The following NUFIP1 variants were observed in gnomAD, a reference collection of about 807,000 sequenced individuals.
NUFIP1 encodes the protein nuclear FMR1 interacting protein 1, also known as FMR1-interacting protein NUFIP1.
A neutral mutation model predicts 56.2 loss-of-function variants in NUFIP1; 38 were observed. That is an observed-to-expected ratio of 0.68 (90% CI 0.52 to 0.89). NUFIP1 has a LOEUF of 0.89. Ranked by LOEUF, NUFIP1 falls within the 40% of genes least tolerant of loss-of-function variation. NUFIP1 has a pLI of 0.00. For synonymous variants in NUFIP1, 215 were observed against 212.4 expected (o/e 1.01, Z -0.10); for missense variants, 567 against 605.8 (o/e 0.94, Z 0.67).
chr13:44,947,902 T>C (rs1310411570), intron 8 of NUFIP1, among the ~76,000 whole-genome samples: 6 of 152,360 alleles, frequency 3.9e-5, no homozygotes, highest in Admixed American at 3.3e-4. Context: ...TAAGGAATAC[T>C]GTGATAAAGC....
intron 8 of NUFIP1, among the ~76,000 whole-genome samples, chr13:44,949,458 C>T: frequency 6.6e-6 from 1 of 152,052 alleles, no homozygotes; most frequent in Non-Finnish European, 1.5e-5. Context: ...GCCTCGGCCT[C>T]CCAAAGTGCT....
chr13:44,978,483 G>A (rs1872066092), intron 5 of NUFIP1, among the ~76,000 whole-genome samples: 3 of 152,210 alleles, frequency 2.0e-5, no homozygotes, highest in Admixed American at 6.5e-5. Flanking sequence ...TCAGGATGAA[G>A]TGTTCTAGTA....
intron 5 of NUFIP1, 106 bp from the exon 6 acceptor site, chr13:44,966,042 G>GC: frequency 2.1e-6 from 1 of 487,700 alleles, no homozygotes; most frequent in Non-Finnish European, 3.4e-6. Context: ...ACCTAACACA[G>GC]CAAATTATAA....
chr13:44,943,749 C>T, intron 8 of NUFIP1, 75 bp from the exon 9 acceptor site: 1 of 1,082,300 alleles, frequency 9.2e-7, no homozygotes, highest in African/African-American at 1.6e-5. Context: ...AAGCAACCAA[C>T]AAATCCATAA....
chr13:44,981,902 G>T (rs1361615425), intron 2 of NUFIP1, among the ~76,000 whole-genome samples, 170 bp downstream of exon 2: 1 of 152,144 alleles, frequency 6.6e-6, no homozygotes, highest in Non-Finnish European at 1.5e-5. Context: ...TATTATTTTT[G>T]AATCCCAATT....
intron 6 of NUFIP1, among the ~76,000 whole-genome samples, chr13:44,964,775 A>G (rs1283008901): frequency 6.6e-6 from 1 of 152,170 alleles, no homozygotes; most frequent in Non-Finnish European, 1.5e-5. Context: ...ACTCCGAGTC[A>G]TAACTAGGGC....
chr13:44,941,735 G>C (rs895099760), intron 9 of NUFIP1, among the ~76,000 whole-genome samples: 2 of 151,762 alleles, frequency 1.3e-5, no homozygotes, highest in Non-Finnish European at 2.9e-5. Flanking sequence ...GGATGGTCTC[G>C]ATCTCCTGAC....
intron 6 of NUFIP1, among the ~76,000 whole-genome samples, chr13:44,963,711 T>C: frequency 6.6e-6 from 1 of 152,216 alleles, no homozygotes; most frequent in East Asian, 1.9e-4. Context: ...AGTCATGATG[T>C]TATATCATAT....
At chr13:44,969,621 A>G (rs1415773539) in intron 5 of NUFIP1, among the ~76,000 whole-genome samples, 1 of 152,100 alleles carries the variant, frequency 6.6e-6, no homozygotes, top group Non-Finnish European at 1.5e-5. Flanking sequence ...ATGGTCCTGA[A>G]ACTATGCTCT....
intron 9 of NUFIP1, 91 bp from the exon 10 acceptor site, chr13:44,941,413 A>G: frequency 2.9e-6 from 2 of 691,398 alleles, no homozygotes. Context: ...CACCATATAA[A>G]GAAGACAGAA....
chr13:44,979,969 G>GAA lies in NUFIP1; in HGVS notation c.595-19_595-18dup. 54 of 1,458,918 alleles carry GAA rather than the reference G, an allele frequency of 3.7e-5. No homozygotes were observed. Among genetic ancestry groups the GAA allele is most frequent in the Admixed American group, 8.6e-5 (4 of 46,484 alleles). The allele number at this position is 1,458,918 out of a possible 1,614,324, so 90.4% of individuals were successfully genotyped here. A position where few individuals can be genotyped will look rare whatever the true frequency, so the allele number is the denominator to read the frequency against. On this transcript the variant is annotated splice_polypyrimidine_tract_variant and intron_variant, in intron 3 of 9. Transcript: ENST00000379161. The stretch of plus-strand genomic sequence containing the variant: ...TTCAGGGCACTATGAGTTTTTAAAA[G>GAA]AAAAAAAAAACTATTTAACAAATGT...
chr13:44,945,027 G>C (rs1870863888), intron 8 of NUFIP1, among the ~76,000 whole-genome samples: 2 of 151,874 alleles, frequency 1.3e-5, no homozygotes, highest in South Asian at 2.1e-4. Flanking sequence ...ATACTAAAAA[G>C]TGAAAATCAG....
At chr13:44,957,786 C>G (rs1376227103) in intron 7 of NUFIP1, among the ~76,000 whole-genome samples, 1 of 152,020 alleles carries the variant, frequency 6.6e-6, no homozygotes, top group Non-Finnish European at 1.5e-5. Context: ...TATCCAATAT[C>G]GGTCTTAGAG....
chr13:44,958,568 A>C (rs1256497004), intron 7 of NUFIP1, among the ~76,000 whole-genome samples: 1 of 152,182 alleles, frequency 6.6e-6, no homozygotes, highest in East Asian at 1.9e-4. Context: ...AAGTTCAAAA[A>C]CTTGCCATGT....
chr13:44,976,643 C>A (rs982534115), intron 5 of NUFIP1, among the ~76,000 whole-genome samples: 1 of 152,154 alleles, frequency 6.6e-6, no homozygotes, highest in Non-Finnish European at 1.5e-5. Context: ...ACTTCAGATA[C>A]CGTGCTTCAA....
intron 8 of NUFIP1, among the ~76,000 whole-genome samples, chr13:44,946,983 G>GT (rs1345041018): frequency 1.3e-5 from 2 of 152,134 alleles, no homozygotes; most frequent in Non-Finnish European, 2.9e-5. Flanking sequence ...TGAAGCAAGG[G>GT]TTTTTTCCTT....
chr13:44,967,935 C>T (rs1871667368), intron 5 of NUFIP1, among the ~76,000 whole-genome samples: 1 of 140,436 alleles, frequency 7.1e-6, no homozygotes, highest in Non-Finnish European at 1.5e-5. Context: ...GCCATTGCTT[C>T]TAGGACACTT....
intron 8 of NUFIP1, among the ~76,000 whole-genome samples, chr13:44,944,388 GGTCAATTC>G (rs1272642438): frequency 1.3e-5 from 2 of 151,944 alleles, no homozygotes; most frequent in Non-Finnish European, 2.9e-5. Context: ...ATGCTAAAGG[GGTCAATTC>G]GTCAATAAGA....
At chr13:44,965,808 G>A (rs1429836592) in intron 6 of NUFIP1, 36 bp downstream of exon 6, 2 of 1,259,542 alleles carry the variant, frequency 1.6e-6, no homozygotes, top group Admixed American at 4.6e-5. Context: ...TTTGTTTTGT[G>A]CTCCTTTTCA....
Sources: allele counts gnomAD v4.1 joint callset (sites outside exome capture counted in the v4.1 genomes callset), GRCh38; gene constraint gnomAD v4.1.1; transcripts MANE v1.5; gene names NCBI Gene and HGNC (gene_info 2026-07-23, HGNC 2026-07-21).